The following MED12 variants were observed in gnomAD, a reference collection of about 807,000 sequenced individuals.
The protein encoded by MED12 is mediator complex subunit 12.
In MED12, 10 loss-of-function variants were observed where a neutral mutation model predicts 177.7. The ratio of observed to expected loss-of-function variants is 0.06; its 90% CI spans 0.03 to 0.10. The LOEUF (loss-of-function observed/expected upper bound fraction) is 0.10. MED12 is among the 10% of genes least tolerant of loss of function. The probability of loss-of-function intolerance (pLI) is 1.00; values close to 1 mark genes in which losing one functional copy is unlikely to be tolerated. For missense variants in MED12, 867 were observed against 1,780.8 expected (o/e 0.49, Z 9.23); for synonymous variants, 641 against 678.4 (o/e 0.94, Z 0.86).
intron 39 of MED12, 49 bp downstream of exon 39, chrX:71,137,432 T>C: frequency 8.4e-7 from 1 of 1,184,248 alleles, no homozygotes; most frequent in African/African-American, 1.7e-5. Flanking sequence ...GGAGAGGGGC[T>C]TTTGAGGGTC....
chrX:71,134,230 C>CAAAAAAA, intron 33 of MED12, 127 bp from the exon 34 acceptor site: 8 of 301,776 alleles, frequency 2.7e-5, no homozygotes, highest in Admixed American at 1.3e-4. Context: ...GACTCCGTCT[C>CAAAAAAA]AAAAAAAAAA....
At position 71,123,732 on chromosome X, in the gene MED12, T is replaced by A. The variant is rs768718047; in HGVS notation, c.1744+12T>A. ...GGCTCCCATGCTGAGTACGGACCCC[T>A]ACCACTCTCTAGTTACCTCTGCCTA... On this transcript the variant is annotated intron_variant, in intron 12 of 44. Transcript: ENST00000374080. 1 of 1,183,656 alleles carries A rather than the reference T, an allele frequency of 8.4e-7. No homozygotes were observed. The highest frequency in any genetic ancestry group is 1.1e-6 in the Non-Finnish European group (1 of 879,891).
chrX:71,134,973 G>T, intron 35 of MED12, 119 bp from the exon 36 acceptor site: 1 of 1,153,882 alleles, frequency 8.7e-7, no homozygotes. Context: ...TGTTACTCAT[G>T]CCGTGAGCAT....
rs2092321452 is a variant in MED12, at chrX:71,132,778, CTCTTCTCTTCTCTT to C, written c.4416-66_4416-53del. ...CTCTCCTCTTCTCTCCTCTTCTCTTCTCTTCTCTTCTCTTCTCTTCTCTTCTCTTCTCTTCTCTT... is the reference window on the plus strand; with the variant it reads ...CTCTCCTCTTCTCTCCTCTTCTCTTCCTCTTCTCTTCTCTTCTCTTCTCTT... On this transcript the variant is annotated intron_variant, in intron 31 of 44. Transcript: ENST00000374080. 5 of 278,486 alleles carry C rather than the reference CTCTTCTCTTCTCTT, an allele frequency of 1.8e-5. No individual in the cohort carries two copies. In the African/African-American group the frequency reaches 3.5e-4, roughly 20 times the overall value. 23.0% of individuals were successfully genotyped at this position (278,486 alleles called of 1,213,427 possible).
rs376612314 is a variant in MED12 at position 71,129,438 on chromosome X, G to A, written c.3691+9G>A. ...GGCTGTGTTTGTACTTGGTACGGGGGTAGGAAGGGAGTGGTGCCAGAAGTG... is the reference window on the plus strand; with the variant it reads ...GGCTGTGTTTGTACTTGGTACGGGGATAGGAAGGGAGTGGTGCCAGAAGTG... On this transcript the variant is annotated intron_variant, in intron 26 of 44. Coordinates refer to ENST00000374080, the MANE Select transcript of MED12 (RefSeq NM_005120.3). The A allele has an allele frequency of 1.1e-5, 13 of 1,142,410 alleles. No individual in the cohort carries two copies. The highest frequency in any genetic ancestry group is 2.2e-5 in the Admixed American group (1 of 45,588). The allele number at this position is 1,142,410 out of a possible 1,213,427, so 94.1% of individuals were successfully genotyped here.
At position 71,122,765 on chromosome X, in the gene MED12, C is replaced by T. The variant is rs2092292878; in HGVS notation, c.1376C>T (p.Thr459Ile). 5 of 1,211,698 alleles carry T rather than the reference C, an allele frequency of 4.1e-6. No individual in the cohort carries two copies. The highest frequency in any genetic ancestry group is 5.6e-6 in the Non-Finnish European group (5 of 895,409). The change falls in exon 10 of 45, where the codon ACT becomes ATT. Residue 459 changes from threonine to isoleucine, a missense_variant. Physicochemically the swap from Thr to Ile is moderately conservative, Grantham distance 89. Around this residue, in one of 14 missense-constraint regions of MED12, gnomAD observed 309 missense variants for 556.3 expected, o/e 0.56. Coordinates refer to ENST00000374080, the MANE Select transcript of MED12 (RefSeq NM_005120.3). The part of the protein sequence containing the change: ...AGFTIGRVLH[T>I]LEVLDSHSFE... ...TTCACCATTGGACGGGTACTTCATA[C>T]TTTGGAAGTGCTGGACAGCCATAGT...
chrX:71,142,352 A>G lies in MED12; in HGVS notation c.*134A>G. 1.6e-6 allele frequency: 1 copy of G among 630,856 alleles called. No homozygotes were observed. Among genetic ancestry groups the G allele is most frequent in the Non-Finnish European group, 2.5e-6 (1 of 399,564 alleles). The allele number at this position is 630,856 out of a possible 1,213,427, so 52.0% of individuals were successfully genotyped here. A position where few individuals can be genotyped will look rare whatever the true frequency, so the allele number is the denominator to read the frequency against. On this transcript the variant is annotated 3_prime_UTR_variant, in exon 45 of 45. Transcript: ENST00000374080. ...GCTCCATTTTTAATAAGTTTTTAGTATTTTTGTTAATGTGAGGCATTGAGC... is the reference window on the plus strand; with the variant it reads ...GCTCCATTTTTAATAAGTTTTTAGTGTTTTTGTTAATGTGAGGCATTGAGC...
At chrX:71,133,564 C>A (rs2092324231) in intron 33 of MED12, among the ~76,000 whole-genome samples, 1 of 110,547 alleles carries the variant, frequency 9.0e-6, no homozygotes, top group Non-Finnish European at 1.9e-5. Flanking sequence ...GAACTCCTTA[C>A]CTCAAATGAT....
intron 41 of MED12, among the ~76,000 whole-genome samples, chrX:71,139,342 G>C (rs1259172926): frequency 1.8e-5 from 2 of 110,844 alleles, no homozygotes; most frequent in East Asian, 5.7e-4. Context: ...GGTAGAGGAT[G>C]TAACGTGAAC....
At chrX:71,130,923 G>A (rs1050399688) in intron 28 of MED12, among the ~76,000 whole-genome samples, 1 of 112,215 alleles carries the variant, frequency 8.9e-6, no homozygotes, top group Middle Eastern at 4.6e-3. Context: ...TTGAGAGATT[G>A]TCTTATAAAG....
chrX:71,129,351 C>T lies in MED12; in HGVS notation c.3613C>T (p.Arg1205Cys), dbSNP rs2092311027. The change falls in exon 26 of 45, where the codon CGC becomes TGC. Residue 1205 changes from arginine (R) to cysteine (C), a missense_variant. Physicochemically the swap from Arg to Cys is radical, Grantham distance 180. Transcript: ENST00000374080. Reference sequence around the variant, plus strand: ...AGTAGGAATCCGCTCCTCCTGCGACCGCCACCTGCTGGCTGCCTCCCAGAA... The same window carrying T: ...AGTAGGAATCCGCTCCTCCTGCGACTGCCACCTGCTGGCTGCCTCCCAGAA... Reference protein sequence around the residue: ...PTVGIRSSCDRHLLAASQNRI... With the variant: ...PTVGIRSSCDCHLLAASQNRI... The T allele has an allele frequency of 1.7e-6, 2 of 1,209,986 alleles. No individual in the cohort carries two copies. Among genetic ancestry groups the T allele is most frequent in the South Asian group, 1.8e-5 (1 of 56,979 alleles).
rs1602299602 is a variant in MED12, at chrX:71,128,792, A to G, written c.3475+74A>G. The stretch of plus-strand genomic sequence containing the variant: ...ATACACACTGGACGGCCATCCTCTC[A>G]TTGTTCACTGTGGGAGACCTTGCTG... On this transcript the variant is annotated intron_variant, in intron 24 of 44. Coordinates refer to ENST00000374080, the MANE Select transcript of MED12 (RefSeq NM_005120.3). 4 of 1,132,966 alleles carry G rather than the reference A, an allele frequency of 3.5e-6. No individual in the cohort carries two copies. The African/African-American group carries it at 5.4e-5, about 15-fold the overall frequency. 93.4% of individuals were successfully genotyped at this position (1,132,966 alleles called of 1,213,427 possible). A position where few individuals can be genotyped will look rare whatever the true frequency, so the allele number is the denominator to read the frequency against.
At chrX:71,119,165 G>A (rs1465876508) in intron 1 of MED12, among the ~76,000 whole-genome samples, 1 of 110,331 alleles carries the variant, frequency 9.1e-6, no homozygotes, top group African/African-American at 3.3e-5. Flanking sequence ...GTTTGAGGGC[G>A]CGCTGGGTGG....
rs1602296337 is a variant in MED12 at position 71,123,612 on chromosome X, G to C, written c.1636G>C (p.Ala546Pro). The change falls in exon 12 of 45, where the codon GCC (alanine) becomes CCC (proline). Residue 546 changes from alanine to proline, a missense_variant. Physicochemically the swap from Ala to Pro is conservative, Grantham distance 27. Coordinates refer to ENST00000374080, the MANE Select transcript of MED12 (RefSeq NM_005120.3). ...IEAERCGESE[A>P]ADEKGSIASG... ...CTTGCAGCGTTGTGGAGAATCAGAA[G>C]CCGCAGATGAGAAGGGTTCCATCGC... The C allele has an allele frequency of 5.0e-6, 6 of 1,211,173 alleles. No homozygotes were observed. In the African/African-American group the frequency reaches 5.2e-5, roughly 10 times the overall value.
intron 28 of MED12, 33 bp downstream of exon 28, chrX:71,130,247 C>T (rs2147809046): frequency 8.6e-7 from 1 of 1,168,216 alleles, no homozygotes. Flanking sequence ...GTGGAGGAAG[C>T]AGTGGGCCCA....
chrX:71,140,320 GA>G (rs1409469913), intron 41 of MED12, among the ~76,000 whole-genome samples: 1 of 109,472 alleles, frequency 9.1e-6, no homozygotes, highest in Admixed American at 9.8e-5. Context: ...GACCTCAAGT[GA>G]TCCACCCACC....
intron 1 of MED12, 76 bp downstream of exon 1, chrX:71,118,929 A>T: frequency 5.3e-6 from 4 of 759,396 alleles, no homozygotes; most frequent in Admixed American, 5.9e-5. Context: ...ACGGCTGGGA[A>T]TGGGGGGCGG....
Position 71,136,599 on chromosome X carries a change from C to T in MED12, c.5344C>T (p.Arg1782Cys), listed in dbSNP as rs1224410841. The T allele has an allele frequency of 5.8e-6, 7 of 1,204,377 alleles. No homozygotes were observed. The highest frequency in any genetic ancestry group is 7.8e-6 in the Non-Finnish European group (7 of 893,259). The change falls in exon 37 of 45, where the codon CGC (arginine) becomes TGC (cysteine). Residue 1782 changes from arginine to cysteine, a missense_variant. By Grantham distance (180) the Arg-to-Cys change is radical (BLOSUM62 -3). Transcript: ENST00000374080. ...GGCTGCTCCACCCAGTACTGAGGAACGCAAGAAGAAGTCCACCAAGGGCAA... is the reference window on the plus strand; with the variant it reads ...GGCTGCTCCACCCAGTACTGAGGAATGCAAGAAGAAGTCCACCAAGGGCAA... ...PGAAPPSTEERKKKSTKGKKR... is the reference protein window; with the variant it reads ...PGAAPPSTEECKKKSTKGKKR...
In MED12 at chrX:71,123,733, A is replaced by G. The variant is rs1218088672; in HGVS notation, c.1744+13A>G. The G allele has an allele frequency of 2.5e-6, 3 of 1,183,472 alleles. No homozygotes were observed. The highest frequency in any genetic ancestry group is 2.4e-5 in the Admixed American group (1 of 41,933). On this transcript the variant is annotated intron_variant, in intron 12 of 44. Coordinates refer to ENST00000374080, the MANE Select transcript of MED12 (RefSeq NM_005120.3). ...GCTCCCATGCTGAGTACGGACCCCT[A>G]CCACTCTCTAGTTACCTCTGCCTAG...
Sources: gnomAD v4.1 joint callset for allele counts (sites outside exome capture counted in the v4.1 genomes callset) on GRCh38, gnomAD v4.1.1 for gene constraint, gnomAD v4.1.1 regional missense constraint, MANE v1.5 for transcripts, NCBI Gene and HGNC (gene_info 2026-07-23, HGNC 2026-07-21) for gene names.